The following R3HDM1 variants were observed in gnomAD, a reference collection of about 807,000 sequenced individuals.
The protein encoded by R3HDM1 is R3H domain-containing protein 1.
A neutral mutation model predicts 141.1 loss-of-function variants in R3HDM1; 46 were observed. The ratio of observed to expected loss-of-function variants is 0.33; its 90% CI spans 0.26 to 0.42. R3HDM1 has a LOEUF of 0.42. Ranked by LOEUF, R3HDM1 falls within the 10% of genes least tolerant of loss-of-function variation. The pLI is 1.00. For missense variants in R3HDM1, 1,184 were observed against 1,368.3 expected (o/e 0.87, Z 2.12); for synonymous variants, 435 against 472.9 (o/e 0.92, Z 1.04).
intron 23 of R3HDM1, among the ~76,000 whole-genome samples, 168 bp downstream of exon 23, chr2:135,710,399 C>T (rs927625099): frequency 3.9e-5 from 6 of 152,114 alleles, no homozygotes; most frequent in East Asian, 1.9e-4. Context: ...GGCTGAGGCA[C>T]GGGGATCACC....
chr2:135,668,500 C>G (rs1388735485), intron 19 of R3HDM1, among the ~76,000 whole-genome samples: 1 of 152,162 alleles, frequency 6.6e-6, no homozygotes, highest in Non-Finnish European at 1.5e-5. Flanking sequence ...TTCTGGGGTA[C>G]CGATCATTCT....
intron 17 of R3HDM1, chr2:135,650,366 CACTGT>C: frequency 1.0e-6 from 1 of 984,842 alleles, no homozygotes. Context: ...TTCTCCCCAA[CACTGT>C]AGCTCCAGTA....
chr2:135,670,175 G>A (rs3863014), intron 19 of R3HDM1: 32,731 of 285,910 alleles, frequency 0.11, 3,312 homozygotes, highest in South Asian at 0.31. Flanking sequence ...AAAAAGATTA[G>A]CTTGTGGTAT....
intron 18 of R3HDM1, among the ~76,000 whole-genome samples, chr2:135,652,963 C>G (rs2065316844): frequency 6.6e-6 from 1 of 151,654 alleles, no homozygotes; most frequent in African/African-American, 2.4e-5. Flanking sequence ...AGTGGTATCC[C>G]CTTTTTATTT....
chr2:135,671,913 T>A (rs1480364184), intron 19 of R3HDM1, among the ~76,000 whole-genome samples: 3 of 151,228 alleles, frequency 2.0e-5, no homozygotes, highest in Non-Finnish European at 2.9e-5. Context: ...GAGGTGGAGG[T>A]TGCGGTGAGC....
chr2:135,650,882 T>G (rs1177026082), intron 17 of R3HDM1: 5 of 985,302 alleles, frequency 5.1e-6, no homozygotes, highest in Non-Finnish European at 6.0e-6. Context: ...TTTTTTTCAG[T>G]GTTGACCTTT....
intron 1 of R3HDM1, among the ~76,000 whole-genome samples, chr2:135,548,489 T>A (rs1330424882): frequency 6.6e-6 from 1 of 152,206 alleles, no homozygotes; most frequent in Non-Finnish European, 1.5e-5. Flanking sequence ...TTTGACAAAT[T>A]GTATACATGT....
chr2:135,604,754 C>A, intron 2 of R3HDM1, 52 bp from the exon 3 acceptor site: 1 of 1,306,004 alleles, frequency 7.7e-7, no homozygotes, highest in Non-Finnish European at 1.1e-6. Context: ...CAGTATCATG[C>A]AGTAACTGAA....
intron 20 of R3HDM1, 33 bp from the exon 21 acceptor site, chr2:135,680,140 C>A: frequency 1.3e-6 from 2 of 1,599,760 alleles, no homozygotes; most frequent in Non-Finnish European, 8.5e-7. Context: ...TGAAAAAAAC[C>A]TTTTTCTCTT....
intron 7 of R3HDM1, among the ~76,000 whole-genome samples, chr2:135,624,785 G>A (rs566828497): frequency 1.3e-5 from 2 of 152,316 alleles, no homozygotes; most frequent in East Asian, 3.9e-4. Flanking sequence ...TAAAGAAAAA[G>A]AGTGGCTAGG....
chr2:135,668,740 A>ACTC (rs1347351900), intron 19 of R3HDM1, among the ~76,000 whole-genome samples: 1 of 152,218 alleles, frequency 6.6e-6, no homozygotes, highest in Non-Finnish European at 1.5e-5. Flanking sequence ...GTCCAGGTTA[A>ACTC]AGCTGGCACT....
intron 1 of R3HDM1, among the ~76,000 whole-genome samples, chr2:135,597,486 C>T (rs905614229): frequency 3.9e-5 from 6 of 152,212 alleles, no homozygotes; most frequent in Non-Finnish European, 7.3e-5. Context: ...ATAAACAGTG[C>T]TCTTCGCCTT....
intron 24 of R3HDM1, among the ~76,000 whole-genome samples, chr2:135,720,944 T>G (rs897182655): frequency 2.0e-5 from 3 of 152,202 alleles, no homozygotes; most frequent in African/African-American, 7.2e-5. Context: ...CTCAAATGAT[T>G]GGCATGTGTA....
intron 7 of R3HDM1, among the ~76,000 whole-genome samples, chr2:135,631,163 G>A (rs1194570659): frequency 6.6e-6 from 1 of 152,162 alleles, no homozygotes; most frequent in East Asian, 1.9e-4. Context: ...GATTCCCATA[G>A]AAGTATTCCT....
At chr2:135,704,699 G>A (rs892948408) in intron 21 of R3HDM1, among the ~76,000 whole-genome samples, 68 of 151,234 alleles carry the variant, frequency 4.5e-4, no homozygotes, top group African/African-American at 1.6e-3. Context: ...CCTCAAGTGA[G>A]CCGTCCTCCC....
chr2:135,548,494 A>G (rs1444227326), intron 1 of R3HDM1, among the ~76,000 whole-genome samples: 3 of 152,236 alleles, frequency 2.0e-5, no homozygotes, highest in Non-Finnish European at 2.9e-5. Flanking sequence ...CAAATTGTAT[A>G]CATGTCTACA....
intron 19 of R3HDM1, among the ~76,000 whole-genome samples, chr2:135,674,146 A>ATAG (rs1437180490): frequency 1.9e-4 from 29 of 152,340 alleles, no homozygotes; most frequent in African/African-American, 5.8e-4. Flanking sequence ...TTTAAAGAAG[A>ATAG]TAGATGCTAG....
chr2:135,580,403 A>G (rs557573526), intron 1 of R3HDM1, among the ~76,000 whole-genome samples: 1 of 152,352 alleles, frequency 6.6e-6, no homozygotes, highest in Admixed American at 6.5e-5. Flanking sequence ...GACTGAATAG[A>G]GTCACAAGAG....
At chr2:135,606,160 G>A (rs2060029746) in intron 3 of R3HDM1, 1 of 152,280 alleles carries the variant, frequency 6.6e-6, no homozygotes, top group Non-Finnish European at 1.5e-5. Flanking sequence ...TGGCACCTAG[G>A]TAGGCAAGGC....
Sources: allele counts gnomAD v4.1 joint callset (sites outside exome capture counted in the v4.1 genomes callset), GRCh38; gene constraint gnomAD v4.1.1; transcripts MANE v1.5; gene names NCBI Gene and HGNC (gene_info 2026-07-23, HGNC 2026-07-21).